WDSUB1: variants seen among roughly 807,000 people sequenced by gnomAD.
WDSUB1 encodes WD repeat, SAM and U-box domain-containing protein 1.
In WDSUB1, 49 loss-of-function variants were observed where a neutral mutation model predicts 53.9. That is an observed-to-expected ratio of 0.91 (90% confidence interval 0.72 to 1.15). The LOEUF is 1.15. WDSUB1 is among the 50% of genes most tolerant of loss of function. The probability of loss-of-function intolerance (pLI) is 0.00; values close to 1 mark genes in which losing one functional copy is unlikely to be tolerated. For missense variants in WDSUB1, 514 were observed against 562.0 expected, an observed-to-expected ratio of 0.91 and a Z score of 0.86; for synonymous variants, 194 against 200.6, an observed-to-expected ratio of 0.97 and a Z score of 0.28.
intron 10 of WDSUB1, among the ~76,000 whole-genome samples, chr2:159,243,181 G>A (rs748788772): frequency 2.7e-5 from 4 of 147,854 alleles, no homozygotes; most frequent in South Asian, 4.2e-4. Flanking sequence ...AAATAAATGA[G>A]TGGTAAGTCT....
intron 6 of WDSUB1, 62 bp downstream of exon 6, chr2:159,259,748 G>A (rs1190993892): frequency 3.5e-6 from 5 of 1,447,350 alleles, no homozygotes; most frequent in Non-Finnish European, 3.7e-6. Flanking sequence ...GGCCTAACTT[G>A]AAGTTCAGTA....
intron 9 of WDSUB1, among the ~76,000 whole-genome samples, chr2:159,249,928 G>T (rs2060909296): frequency 6.7e-6 from 1 of 148,170 alleles, no homozygotes; most frequent in South Asian, 2.1e-4. Context: ...AAAAAAGAAA[G>T]AAAGAAAAAA....
At chr2:159,247,110 G>C (rs950587635) in intron 10 of WDSUB1, among the ~76,000 whole-genome samples, 1 of 152,178 alleles carries the variant, frequency 6.6e-6, no homozygotes, top group Admixed American at 6.5e-5. Context: ...CAAGAGTCCT[G>C]ATAAACCAGT....
intron 10 of WDSUB1, among the ~76,000 whole-genome samples, chr2:159,240,192 T>G (rs764949258): frequency 6.6e-6 from 1 of 152,064 alleles, no homozygotes; most frequent in African/African-American, 2.4e-5. Context: ...ACCATAATTT[T>G]TCCAAGGTCC....
At position 159,241,719 on chromosome 2, in the gene WDSUB1, C is replaced by CTTTTTTTTTTTTTT. The variant is rs527377114; in HGVS notation, c.1274-5530_1274-5529insAAAAAAAAAAAAAA. 1.5e-4 allele frequency among the ~76,000 whole-genome samples: 20 copies of CTTTTTTTTTTTTTT among 130,376 alleles called. 4 individuals carry two copies. Among genetic ancestry groups the CTTTTTTTTTTTTTT allele is most frequent in the Non-Finnish European group, 1.7e-4 (11 of 63,096 alleles). The allele number at this position is 130,376 out of a possible 152,430, so 85.5% of individuals were successfully genotyped here. On this transcript the variant is annotated intron_variant, in intron 10 of 10. Coordinates refer to ENST00000359774, the MANE Select transcript of WDSUB1 (RefSeq NM_001128212.3). ...CATGACTGGGGATGTTTTCTTTTTT[C>CTTTTTTTTTTTTTT]TTTTTTTTTTTGAGATGGAGTCTCA...
chr2:159,268,052 C>T (rs2061378815), intron 5 of WDSUB1, among the ~76,000 whole-genome samples: 1 of 152,154 alleles, frequency 6.6e-6, no homozygotes, highest in Non-Finnish European at 1.5e-5. Context: ...AACTAAGACA[C>T]ACATATATAC....
chr2:159,248,376 T>G lies in WDSUB1; in HGVS notation c.1269A>C (p.Ala423=), dbSNP rs764398075. 1 of 1,611,922 alleles carries G rather than the reference T, an allele frequency of 6.2e-7. No homozygotes were observed. The highest frequency in any genetic ancestry group is 1.1e-5 in the South Asian group (1 of 90,730). The change falls in exon 10 of 11, where the codon GCA becomes GCC. Residue 423 remains alanine, a synonymous_variant. Coordinates refer to ENST00000359774, the MANE Select transcript of WDSUB1 (RefSeq NM_001128212.3). ...TTAGTATAGCATCACACATACCTGA[T>G]GCGATGACCGGATCTTTCATAAGTT... is the stretch of plus-strand genomic sequence containing the variant. The part of the protein sequence containing the change: ...TRELMKDPVI[A]SDGYSYEKEA...
chr2:159,272,009 A>G (rs7602019), intron 4 of WDSUB1, among the ~76,000 whole-genome samples: 86,940 of 152,068 alleles, frequency 0.57, 26,176 homozygotes, highest in African/African-American at 0.72. Context: ...ATAAAGTCAA[A>G]TTTTTAAAGA....
intron 3 of WDSUB1, among the ~76,000 whole-genome samples, chr2:159,278,177 A>G (rs1020298953): frequency 6.6e-6 from 1 of 152,224 alleles, no homozygotes; most frequent in African/African-American, 2.4e-5. Context: ...GATGTAGAGA[A>G]GGTCCCACAG....
At chr2:159,266,534 G>A (rs975333788) in intron 5 of WDSUB1, among the ~76,000 whole-genome samples, 6 of 152,154 alleles carry the variant, frequency 3.9e-5, no homozygotes, top group Admixed American at 2.0e-4. Flanking sequence ...AGACCAAAAA[G>A]TATAAGAACC....
chr2:159,280,887 G>C (rs1270481266), intron 2 of WDSUB1, among the ~76,000 whole-genome samples: 2 of 152,058 alleles, frequency 1.3e-5, no homozygotes, highest in Non-Finnish European at 2.9e-5. Flanking sequence ...GTCCCATCCA[G>C]CAGGGTATCT....
At chr2:159,278,683 A>G (rs1329335559) in intron 3 of WDSUB1, among the ~76,000 whole-genome samples, 3 of 152,216 alleles carry the variant, frequency 2.0e-5, no homozygotes, top group Non-Finnish European at 4.4e-5. Context: ...GAAAAATCTT[A>G]GAAACATTCC....
chr2:159,275,473 A>T, intron 4 of WDSUB1, 73 bp downstream of exon 4: 1 of 1,204,840 alleles, frequency 8.3e-7, no homozygotes, highest in Non-Finnish European at 1.2e-6. Flanking sequence ...AAGGTACCTT[A>T]AGTAAAAAGA....
intron 10 of WDSUB1, among the ~76,000 whole-genome samples, chr2:159,241,440 T>C (rs1289230570): frequency 6.6e-6 from 1 of 152,128 alleles, no homozygotes; most frequent in Non-Finnish European, 1.5e-5. Context: ...CACGTGCCCA[T>C]AATCCTAGCT....
At chr2:159,259,036 A>AATTTTTTTTTTTTTTTTTTTTTTTT (rs1436442238) in intron 6 of WDSUB1, among the ~76,000 whole-genome samples, 10 of 150,720 alleles carry the variant, frequency 6.6e-5, no homozygotes, top group East Asian at 4.0e-4. Context: ...CAACTACTTT[A>AATTTTTTTTTTTTTTTTTTTTTTTT]TTTTTGAGAC....
rs562617269 is a variant in WDSUB1 at position 159,265,849 on chromosome 2, GGA to G, written c.770+5851_770+5852del. Among the ~76,000 whole-genome samples, 30 of 152,304 alleles carry G rather than the reference GGA, an allele frequency of 2.0e-4. No homozygotes were observed. In the South Asian group the frequency reaches 6.2e-3, roughly 32 times the overall value. On this transcript the variant is annotated intron_variant, in intron 5 of 10. Transcript: ENST00000359774. ...AGCAAAGTTATTAGGGGACAGAAGTGGAGAAAGACCAAGGGAAAAACCTCTTG... is the reference window on the plus strand; with the variant it reads ...AGCAAAGTTATTAGGGGACAGAAGTGGAAAGACCAAGGGAAAAACCTCTTG...
At chr2:159,277,671 A>G (rs1053679726) in intron 3 of WDSUB1, among the ~76,000 whole-genome samples, 5 of 152,224 alleles carry the variant, frequency 3.3e-5, no homozygotes, top group Admixed American at 2.0e-4. Flanking sequence ...AGATGAGTCA[A>G]TATGTCATAA....
intron 5 of WDSUB1, among the ~76,000 whole-genome samples, chr2:159,265,102 A>AACAAC (rs1553457379): frequency 2.0e-5 from 3 of 146,452 alleles, no homozygotes; most frequent in African/African-American, 7.9e-5. Flanking sequence ...AAAAAAAATA[A>AACAAC]AACAACAACA....
chr2:159,267,833 A>G (rs548197768), intron 5 of WDSUB1, among the ~76,000 whole-genome samples: 1 of 152,322 alleles, frequency 6.6e-6, no homozygotes, highest in South Asian at 2.1e-4. Context: ...TATGCCTGTC[A>G]ATTCTTCTAA....
Sources: gnomAD v4.1 joint callset for allele counts (sites outside exome capture counted in the v4.1 genomes callset) on GRCh38, gnomAD v4.1.1 for gene constraint, MANE v1.5 for transcripts, NCBI Gene and HGNC (gene_info 2026-07-23, HGNC 2026-07-21) for gene names.